CHCHD3: variants seen among roughly 807,000 people sequenced by gnomAD.
The protein encoded by CHCHD3 is MICOS complex subunit MIC19.
In CHCHD3, 20 loss-of-function variants were observed where a neutral mutation model predicts 38.2. The observed-to-expected ratio is 0.52, with a 90% CI of 0.37 to 0.76. The LOEUF is 0.76. CHCHD3 is among the 30% of genes least tolerant of loss of function. The pLI is 0.00. For missense variants in CHCHD3, 245 were observed against 279.2 expected (o/e 0.88, Z 0.87); for synonymous variants, 82 against 100.0 (o/e 0.82, Z 1.07).
chr7:133,019,726 T>C (rs929995380), intron 3 of CHCHD3, among the ~76,000 whole-genome samples: 2 of 151,726 alleles, frequency 1.3e-5, no homozygotes, highest in African/African-American at 4.8e-5. Flanking sequence ...GAAAAAAAAA[T>C]GTTATTATAA....
rs562687828 is a variant in CHCHD3, at chr7:133,048,146, A to T, written c.169+21996T>A. Among the ~76,000 whole-genome samples the T allele has an allele frequency of 2.0e-5, 3 of 152,224 alleles. No homozygotes were observed. In the South Asian group the frequency reaches 6.2e-4, roughly 32 times the overall value. On this transcript the variant is annotated intron_variant, in intron 2 of 7. Transcript: ENST00000262570. ...AGGTCTGATCCTAGGTTAAATAAAA[A>T]AAAAAAAAATACCTACTCAGACAGA...
At chr7:132,848,249 G>A (rs576818354) in intron 5 of CHCHD3, among the ~76,000 whole-genome samples, 3 of 152,306 alleles carry the variant, frequency 2.0e-5, no homozygotes, top group Admixed American at 2.0e-4. Flanking sequence ...AAACACCAAT[G>A]TCAAATAACG....
At chr7:132,955,538 T>G (rs1416734981) in intron 4 of CHCHD3, among the ~76,000 whole-genome samples, 1 of 149,952 alleles carries the variant, frequency 6.7e-6, no homozygotes, top group African/African-American at 2.5e-5. Flanking sequence ...TTTTGGGGTT[T>G]TTTGTTTTTT....
chr7:132,972,664 C>T lies in CHCHD3; in HGVS notation c.369+2505G>A. ...TGGCCATGGCAGACCATGCAAATGTCTGACAACACTCTGGGAAGGAAGGGA... is the reference window on the plus strand; with the variant it reads ...TGGCCATGGCAGACCATGCAAATGTTTGACAACACTCTGGGAAGGAAGGGA... On this transcript the variant is annotated intron_variant, in intron 4 of 7. Coordinates refer to ENST00000262570, the MANE Select transcript of CHCHD3 (RefSeq NM_017812.4). 8.1e-6 allele frequency: 8 copies of T among 985,440 alleles called. No homozygotes were observed. In the South Asian group the frequency reaches 3.3e-4, roughly 41 times the overall value. The allele number at this position is 985,440 out of a possible 1,614,324, so 61.0% of individuals were successfully genotyped here.
At position 133,051,863 on chromosome 7, in the gene CHCHD3, C is replaced by A. The variant is rs1041193399; in HGVS notation, c.169+18279G>T. 11 of 152,116 alleles carry A rather than the reference C, an allele frequency of 7.2e-5. No individual in the cohort carries two copies. In the Middle Eastern group the frequency reaches 0.014, roughly 188 times the overall value. 9.4% of individuals were successfully genotyped at this position (152,116 alleles called of 1,614,324 possible). On this transcript the variant is annotated intron_variant, in intron 2 of 7. Coordinates refer to ENST00000262570, the MANE Select transcript of CHCHD3 (RefSeq NM_017812.4). ...TAATCGCAGTGTTAGGAAACAAAGA[C>A]GAATGAAAATGGTTCTTATCTAAAA... is the stretch of plus-strand genomic sequence containing the variant.
At chr7:132,973,104 T>C in intron 4 of CHCHD3, 1 of 985,448 alleles carries the variant, frequency 1.0e-6, no homozygotes, top group South Asian at 4.7e-5. Flanking sequence ...TTTTTGAGTT[T>C]TTGAATCTTG....
chr7:133,082,060 C>T lies in CHCHD3; in HGVS notation c.-123G>A. 2.3e-6 allele frequency: 2 copies of T among 875,658 alleles called. No homozygotes were observed. Among genetic ancestry groups the T allele is most frequent in the East Asian group, 3.0e-5 (1 of 32,946 alleles). The allele number at this position is 875,658 out of a possible 1,614,324, so 54.2% of individuals were successfully genotyped here. On this transcript the variant is annotated 5_prime_UTR_variant, in exon 1 of 8. Coordinates refer to ENST00000262570, the MANE Select transcript of CHCHD3 (RefSeq NM_017812.4). ...CCGCACAGCGGGAGCAAGGCCACGA[C>T]CCCCAGAAGCAAGGAGAAGGCGCCG...
intron 3 of CHCHD3, among the ~76,000 whole-genome samples, chr7:132,982,373 C>T (rs952503922): frequency 6.6e-6 from 1 of 152,178 alleles, no homozygotes; most frequent in Non-Finnish European, 1.5e-5. Context: ...GAACCTCCAC[C>T]TCCGGGATTC....
intron 5 of CHCHD3, among the ~76,000 whole-genome samples, chr7:132,854,688 A>AT (rs1272089035): frequency 6.6e-6 from 1 of 152,130 alleles, no homozygotes; most frequent in African/African-American, 2.4e-5. Context: ...GTCAATGTCC[A>AT]TTTTTTATTC....
intron 5 of CHCHD3, among the ~76,000 whole-genome samples, chr7:132,878,840 C>A (rs1808977911): frequency 6.6e-6 from 1 of 152,180 alleles, no homozygotes; most frequent in African/African-American, 2.4e-5. Flanking sequence ...AATTATAGAT[C>A]TGGAAGAGTG....
intron 3 of CHCHD3, among the ~76,000 whole-genome samples, chr7:132,990,727 T>C (rs1411527520): frequency 6.6e-6 from 1 of 152,176 alleles, no homozygotes; most frequent in Non-Finnish European, 1.5e-5. Context: ...ATTATGTTCA[T>C]TGATAAGGCT....
intron 5 of CHCHD3, among the ~76,000 whole-genome samples, chr7:132,844,620 T>A (rs1808026266): frequency 6.6e-6 from 1 of 152,240 alleles, no homozygotes. Context: ...GAAAGTCTTA[T>A]TGTTTGATAT....
At chr7:132,967,070 G>C (rs1042581619) in intron 4 of CHCHD3, among the ~76,000 whole-genome samples, 5 of 152,150 alleles carry the variant, frequency 3.3e-5, no homozygotes, top group Admixed American at 2.6e-4. Flanking sequence ...AATGACCCAA[G>C]TGATAGGATG....
chr7:132,978,055 T>G (rs904787148), intron 3 of CHCHD3, among the ~76,000 whole-genome samples: 2 of 152,182 alleles, frequency 1.3e-5, no homozygotes, highest in African/African-American at 4.8e-5. Flanking sequence ...AGTCCTGTTA[T>G]TCTCATGGGT....
intron 5 of CHCHD3, among the ~76,000 whole-genome samples, chr7:132,842,293 T>C (rs974217085): frequency 2.0e-5 from 3 of 152,146 alleles, no homozygotes; most frequent in Non-Finnish European, 2.9e-5. Context: ...ACTGTTGCAG[T>C]GTATACACAA....
At chr7:132,794,924 C>T (rs1449398043) in intron 7 of CHCHD3, among the ~76,000 whole-genome samples, 1 of 152,238 alleles carries the variant, frequency 6.6e-6, no homozygotes, top group Non-Finnish European at 1.5e-5. Flanking sequence ...TTCAAACTCA[C>T]TATCGCGCCA....
At chr7:132,940,424 C>T (rs137937218) in intron 4 of CHCHD3, among the ~76,000 whole-genome samples, 56 of 152,094 alleles carry the variant, frequency 3.7e-4, no homozygotes, top group Middle Eastern at 3.4e-3. Flanking sequence ...ACTGTGAATC[C>T]CTGATTAAAT....
At chr7:132,940,432 A>C (rs1047506706) in intron 4 of CHCHD3, among the ~76,000 whole-genome samples, 1 of 152,118 alleles carries the variant, frequency 6.6e-6, no homozygotes, top group Admixed American at 6.5e-5. Flanking sequence ...TCCCTGATTA[A>C]ATTTTGTGGC....
At chr7:132,811,610 T>C (rs898862199) in intron 6 of CHCHD3, among the ~76,000 whole-genome samples, 2 of 152,226 alleles carry the variant, frequency 1.3e-5, no homozygotes, top group Non-Finnish European at 2.9e-5. Flanking sequence ...GAACTGCTCT[T>C]GCTAAAATCA....
Sources: gnomAD v4.1 joint callset for allele counts (sites outside exome capture counted in the v4.1 genomes callset) on GRCh38, gnomAD v4.1.1 for gene constraint, MANE v1.5 for transcripts, NCBI Gene and HGNC (gene_info 2026-07-23, HGNC 2026-07-21) for gene names.